The following RBFOX1 variants were observed in gnomAD, a reference collection of about 807,000 sequenced individuals.
The protein encoded by RBFOX1 is RNA binding fox-1 homolog 1.
A neutral mutation model predicts 57.7 loss-of-function variants in RBFOX1; 8 were observed. The observed-to-expected ratio is 0.14, with a 90% confidence interval of 0.08 to 0.25. The LOEUF (loss-of-function observed/expected upper bound fraction) is 0.25. Ranked by LOEUF, RBFOX1 falls within the 10% of genes least tolerant of loss-of-function variation. RBFOX1 has a pLI of 1.00. For synonymous variants in RBFOX1, 326 were observed against 222.4 expected (o/e 1.47, Z -4.15); for missense variants, 611 against 548.5 (o/e 1.11, Z -1.14).
At chr16:6,483,038 G>A (rs1427223128) in intron 2 of RBFOX1, 10 of 696,308 alleles carry the variant, frequency 1.4e-5, no homozygotes, top group Non-Finnish European at 1.8e-5. Flanking sequence ...GAGAGAGGGC[G>A]AGCGGCGAGA....
chr16:6,800,175 T>G (rs964820039), intron 3 of RBFOX1, among the ~76,000 whole-genome samples: 1 of 152,138 alleles, frequency 6.6e-6, no homozygotes, highest in Non-Finnish European at 1.5e-5. Flanking sequence ...CCAGTTTTGA[T>G]CAACAGGGTA....
chr16:6,136,235 C>T (rs1318437766), intron 1 of RBFOX1, among the ~76,000 whole-genome samples: 2 of 152,156 alleles, frequency 1.3e-5, no homozygotes, highest in Non-Finnish European at 2.9e-5. Flanking sequence ...CCCCAGCAGT[C>T]CAAGGTGTAT....
intron 2 of RBFOX1, among the ~76,000 whole-genome samples, chr16:6,537,542 C>T (rs190082949): frequency 4.7e-4 from 71 of 152,340 alleles, no homozygotes; most frequent in Non-Finnish European, 8.4e-4. Flanking sequence ...TGAGCTAACA[C>T]TCAGTGGAGT....
At chr16:6,513,972 G>A (rs997799925) in intron 2 of RBFOX1, among the ~76,000 whole-genome samples, 3 of 152,146 alleles carry the variant, frequency 2.0e-5, no homozygotes, top group African/African-American at 7.2e-5. Flanking sequence ...AGATGGAGGA[G>A]GCTCAACACA....
rs754342591 is a variant in RBFOX1, at chr16:6,806,836, A to ATATATATATATTT, written c.-16+152187_-16+152188insATATATATATTTT. On this transcript the variant is annotated intron_variant, in intron 3 of 15. Transcript: ENST00000550418. ...TATATAAATATATATATATATATATATTTTTTTTTTTTTTTGAGAGAAAGT... is the reference window on the plus strand; with the variant it reads ...TATATAAATATATATATATATATATATATATATATATTTTTTTTTTTTTTTTTTGAGAGAAAGT... Among the ~76,000 whole-genome samples the ATATATATATATTT allele has an allele frequency of 2.2e-3, 203 of 91,848 alleles. 1 individual carries two copies. Among genetic ancestry groups the ATATATATATATTT allele is most frequent in the African/African-American group, 7.5e-3 (185 of 24,596 alleles). 60.3% of individuals were successfully genotyped at this position (91,848 alleles called of 152,430 possible). A position where few individuals can be genotyped will look rare whatever the true frequency, so the allele number is the denominator to read the frequency against.
At chr16:6,311,215 G>A (rs1324441036) in intron 1 of RBFOX1, among the ~76,000 whole-genome samples, 1 of 139,480 alleles carries the variant, frequency 7.2e-6, no homozygotes, top group Non-Finnish European at 1.5e-5. Context: ...AGAATCTCTT[G>A]AACACAGGAG....
chr16:6,375,963 T>C (rs2091121070), intron 2 of RBFOX1, among the ~76,000 whole-genome samples: 1 of 152,136 alleles, frequency 6.6e-6, no homozygotes, highest in African/African-American at 2.4e-5. Context: ...ACTCTTTGGA[T>C]CACCCTGCTG....
intron 3 of RBFOX1, among the ~76,000 whole-genome samples, chr16:7,042,581 A>G (rs947921056): frequency 6.6e-6 from 1 of 152,246 alleles, no homozygotes; most frequent in Non-Finnish European, 1.5e-5. Flanking sequence ...ATGACATATT[A>G]CAAACATTGG....
intron 4 of RBFOX1, among the ~76,000 whole-genome samples, chr16:5,993,512 G>C (rs979277129): frequency 2.0e-5 from 3 of 152,062 alleles, no homozygotes; most frequent in Admixed American, 2.0e-4. Context: ...ATACAGCCAA[G>C]TCTGTAGAAT....
At chr16:6,742,632 T>G (rs1196490987) in intron 3 of RBFOX1, among the ~76,000 whole-genome samples, 1 of 152,220 alleles carries the variant, frequency 6.6e-6, no homozygotes, top group Non-Finnish European at 1.5e-5. Flanking sequence ...ATACCCGTAC[T>G]GTGAACTACT....
At chr16:5,545,816 A>G (rs1181700801) in intron 2 of RBFOX1, among the ~76,000 whole-genome samples, 1 of 152,146 alleles carries the variant, frequency 6.6e-6, no homozygotes, top group African/African-American at 2.4e-5. Flanking sequence ...TTCACACTGT[A>G]GTGGAATAAG....
intron 3 of RBFOX1, among the ~76,000 whole-genome samples, chr16:6,941,387 G>T (rs555169674): frequency 6.9e-6 from 1 of 145,204 alleles, no homozygotes; most frequent in Admixed American, 7.3e-5. Context: ...TAGATTAGCC[G>T]TGTGGAAACT....
intron 2 of RBFOX1, among the ~76,000 whole-genome samples, chr16:6,493,267 G>A (rs1598166897): frequency 6.6e-6 from 1 of 152,082 alleles, no homozygotes; most frequent in Non-Finnish European, 1.5e-5. Context: ...TTGAGGTTTG[G>A]GGTCAGTATG....
intron 1 of RBFOX1, among the ~76,000 whole-genome samples, chr16:6,308,232 A>G (rs751919979): frequency 3.9e-5 from 6 of 152,166 alleles, no homozygotes; most frequent in Non-Finnish European, 5.9e-5. Flanking sequence ...TTATTTGCAC[A>G]TCCTATAAAT....
intron 2 of RBFOX1, among the ~76,000 whole-genome samples, chr16:6,623,347 G>T (rs1381720675): frequency 6.6e-6 from 1 of 152,140 alleles, no homozygotes. Context: ...GCCTGAGAAG[G>T]ACAGTGAAAC....
chr16:5,942,548 C>T lies in RBFOX1; in HGVS notation c.351+75213C>T, dbSNP rs571185521. ...GATCTCCAGAACAGTGGCTGGTTATCGTTTAATTATGCCTACCTCTTAGCA... is the reference window on the plus strand; with the variant it reads ...GATCTCCAGAACAGTGGCTGGTTATTGTTTAATTATGCCTACCTCTTAGCA... On this transcript the variant is annotated intron_variant, in intron 4 of 19. Coordinates refer to the RBFOX1 transcript ENST00000641259. Among the ~76,000 whole-genome samples, 309 of 152,300 alleles carry T rather than the reference C, an allele frequency of 2.0e-3. 1 individual carries two copies. The highest frequency in any genetic ancestry group is 7.0e-3 in the African/African-American group (290 of 41,564).
rs76013944 is a variant in RBFOX1 at position 7,491,964 on chromosome 16, T to G, written c.28-26183T>G. Among the ~76,000 whole-genome samples, 329 of 152,330 alleles carry G rather than the reference T, an allele frequency of 2.2e-3. 1 individual carries two copies. Among genetic ancestry groups the G allele is most frequent in the African/African-American group, 7.6e-3 (318 of 41,582 alleles). ...TTGTCATTCTGAATATTGATGATTA[T>G]AGTCTATGTTCCTAACGCCTAGGCT... On this transcript the variant is annotated intron_variant, in intron 4 of 15. Coordinates refer to ENST00000550418, the MANE Select transcript of RBFOX1 (RefSeq NM_018723.4).
At chr16:6,103,600 T>C (rs973675848) in intron 1 of RBFOX1, among the ~76,000 whole-genome samples, 1 of 152,134 alleles carries the variant, frequency 6.6e-6, no homozygotes. Flanking sequence ...TCCTTCCATC[T>C]TGTGACTCTG....
chr16:5,996,786 C>A (rs945427831), intron 4 of RBFOX1, among the ~76,000 whole-genome samples: 1 of 152,172 alleles, frequency 6.6e-6, no homozygotes, highest in Middle Eastern at 3.2e-3. Context: ...TCCAATGTCA[C>A]CCTCTTTCCT....
Sources: gnomAD v4.1 joint callset for allele counts (sites outside exome capture counted in the v4.1 genomes callset) on GRCh38, gnomAD v4.1.1 for gene constraint, MANE v1.5 for transcripts, NCBI Gene and HGNC (gene_info 2026-07-23, HGNC 2026-07-21) for gene names.